The following CFAP47 variants were observed in gnomAD, a reference collection of about 807,000 sequenced individuals.
CFAP47 encodes cilia and flagella associated protein 47, also known as cilia- and flagella-associated protein 47.
In CFAP47, 29 loss-of-function variants were observed where a neutral mutation model predicts 148.1. The ratio of observed to expected loss-of-function variants is 0.20; its 90% CI spans 0.15 to 0.27. The LOEUF is 0.27. Among genes scored for constraint, CFAP47 ranks in the 10% least tolerant of loss-of-function variants. CFAP47 has a pLI of 1.00. For missense variants in CFAP47, 1,872 were observed against 1,697.5 expected, an observed-to-expected ratio of 1.10 and a Z score of -1.81; for synonymous variants, 664 against 577.3, an observed-to-expected ratio of 1.15 and a Z score of -2.15.
intron 1 of CFAP47, among the ~76,000 whole-genome samples, chrX:35,923,072 C>A (rs1217441594): frequency 9.0e-6 from 1 of 111,413 alleles, no homozygotes; most frequent in African/African-American, 3.3e-5. Context: ...TGGTGCTTAA[C>A]TAGTCCCTGG....
At chrX:36,253,454 A>G (rs1940715756) in intron 49 of CFAP47, among the ~76,000 whole-genome samples, 1 of 111,490 alleles carries the variant, frequency 9.0e-6, no homozygotes, top group Admixed American at 9.6e-5. Flanking sequence ...AACAGCTGCT[A>G]ACTAATCTGA....
chrX:35,958,529 C>T (rs989489485), intron 8 of CFAP47, among the ~76,000 whole-genome samples: 1 of 111,920 alleles, frequency 8.9e-6, no homozygotes, highest in Non-Finnish European at 1.9e-5. Flanking sequence ...CCCATACCCT[C>T]CACCACACTT....
At chrX:36,348,621 C>T (rs139817369) in intron 58 of CFAP47, among the ~76,000 whole-genome samples, 1 of 110,754 alleles carries the variant, frequency 9.0e-6, no homozygotes, top group African/African-American at 3.3e-5. Flanking sequence ...ATAGTGACTG[C>T]TAACATAATA....
At chrX:35,985,894 G>A (rs912746188) in intron 15 of CFAP47, 19 of 315,224 alleles carry the variant, frequency 6.0e-5, no homozygotes, top group South Asian at 3.7e-4. Context: ...CCTCCTAAGC[G>A]GCTCTCCCTG....
intron 33 of CFAP47, among the ~76,000 whole-genome samples, chrX:36,123,409 G>T (rs1181688016): frequency 8.9e-6 from 1 of 111,981 alleles, no homozygotes; most frequent in African/African-American, 3.2e-5. Flanking sequence ...GTGTCCAGGG[G>T]TGCTGTTCAA....
intron 62 of CFAP47, chrX:36,374,942 G>T: frequency 1.8e-6 from 1 of 551,200 alleles, no homozygotes; most frequent in South Asian, 2.3e-5. Context: ...CCTTTGAGTT[G>T]CACATCAAAT....
At chrX:36,088,166 G>A (rs1601970533) in intron 30 of CFAP47, among the ~76,000 whole-genome samples, 1 of 111,810 alleles carries the variant, frequency 8.9e-6, no homozygotes, top group South Asian at 3.7e-4. Flanking sequence ...CTGAAGTCCT[G>A]AAATTTATGG....
chrX:36,348,280 A>G lies in CFAP47; in HGVS notation c.8595A>G (p.Lys2865=), dbSNP rs782191352. 73 of 1,001,393 alleles carry G rather than the reference A, an allele frequency of 7.3e-5. No homozygotes were observed. Among genetic ancestry groups the G allele is most frequent in the Non-Finnish European group, 8.8e-5 (69 of 779,839 alleles). 82.5% of individuals were successfully genotyped at this position (1,001,393 alleles called of 1,213,427 possible). Residue 2865 remains lysine, a synonymous_variant, in exon 58 of 64, where the codon AAA becomes AAG. Transcript: ENST00000378653. ...PIDNFDELDI[K]FKSIVGIDSE... ...ACAATTTTGATGAGTTGGATATAAA[A>G]TTTAAAAGGTAACATTTAAATAAAG...
Position 36,062,878 on chromosome X carries a change from A to G in CFAP47, c.4218-2765A>G, listed in dbSNP as rs1048247704. ...AGATGAATTTTATGGTATGTAAATTACATGTCTAATGCTGCTGTAAAAAGA... is the reference window on the plus strand; with the variant it reads ...AGATGAATTTTATGGTATGTAAATTGCATGTCTAATGCTGCTGTAAAAAGA... On this transcript the variant is annotated intron_variant, in intron 26 of 63. Coordinates refer to ENST00000378653, the MANE Select transcript of CFAP47 (RefSeq NM_001304548.2). 3.6e-5 allele frequency among the ~76,000 whole-genome samples: 4 copies of G among 112,311 alleles called. No homozygotes were observed. The East Asian group carries it at 1.1e-3, about 31-fold the overall frequency.
chrX:36,041,743 G>A (rs1186622169), intron 25 of CFAP47, among the ~76,000 whole-genome samples: 1 of 110,077 alleles, frequency 9.1e-6, no homozygotes, highest in Non-Finnish European at 1.9e-5. Context: ...CTAACATGGT[G>A]AAACCCCATC....
At chrX:36,024,890 A>G (rs1404810372) in intron 22 of CFAP47, among the ~76,000 whole-genome samples, 2 of 111,361 alleles carry the variant, frequency 1.8e-5, no homozygotes, top group African/African-American at 6.5e-5. Context: ...TTTTGTGTAG[A>G]TACTTGTTAA....
rs139011718 is a variant in CFAP47 at position 36,028,399 on chromosome X, C to T, written c.3557-2854C>T. The stretch of plus-strand genomic sequence containing the variant: ...TTTAGGATTGTTTTTTCTAATTCTG[C>T]GAAAAATGACATTGGTACTTTGATA... On this transcript the variant is annotated intron_variant, in intron 22 of 63. Transcript: ENST00000378653. Among the ~76,000 whole-genome samples the T allele has an allele frequency of 5.6e-3, 624 of 110,770 alleles. 2 individuals are homozygous for T. Among genetic ancestry groups the T allele is most frequent in the African/African-American group, 0.018 (558 of 30,581 alleles).
chrX:35,920,023 G>A lies in CFAP47; in HGVS notation c.224G>A (p.Arg75Gln), dbSNP rs749366989. 7.5e-6 allele frequency: 9 copies of A among 1,192,942 alleles called. No individual in the cohort carries two copies. The highest frequency in any genetic ancestry group is 1.0e-5 in the Non-Finnish European group (9 of 884,786). Residue 75 changes from arginine to glutamine, a missense_variant, in exon 1 of 64, where the codon CGA (arginine) becomes CAA (glutamine). Transcript: ENST00000378653. ...HNICRWNQKIRFKEPVKPQFK... is the reference protein window; with the variant it reads ...HNICRWNQKIQFKEPVKPQFK... Reference sequence around the variant, plus strand: ...ATTTGCCGCTGGAACCAGAAAATCCGATTTAAGGAGCCCGTCAAGCCACAG... The same window carrying A: ...ATTTGCCGCTGGAACCAGAAAATCCAATTTAAGGAGCCCGTCAAGCCACAG...
intron 60 of CFAP47, among the ~76,000 whole-genome samples, chrX:36,359,934 G>A (rs972000540): frequency 5.5e-5 from 6 of 109,792 alleles, no homozygotes; most frequent in African/African-American, 2.0e-4. Flanking sequence ...TTTGTATTTT[G>A]AGTAGAGACG....
intron 35 of CFAP47, chrX:36,144,966 C>A: frequency 1.6e-6 from 1 of 628,558 alleles, no homozygotes; most frequent in Non-Finnish European, 2.2e-6. Flanking sequence ...CCTGGGAGCC[C>A]CTATTGGCTT....
intron 62 of CFAP47, among the ~76,000 whole-genome samples, chrX:36,376,671 C>T (rs375298691): frequency 9.0e-6 from 1 of 111,154 alleles, no homozygotes; most frequent in Non-Finnish European, 1.9e-5. Context: ...ATGTGCACAA[C>T]GTGCAGGTTT....
chrX:36,161,563 A>C (rs1241259164), intron 39 of CFAP47, among the ~76,000 whole-genome samples: 1 of 111,872 alleles, frequency 8.9e-6, no homozygotes, highest in East Asian at 2.8e-4. Context: ...AGTATTATTT[A>C]ATGACACAAT....
chrX:36,353,498 CAAGTT>C (rs782334041), intron 59 of CFAP47, 26 bp from the exon 60 acceptor site: 614 of 1,136,883 alleles, frequency 5.4e-4, no homozygotes, highest in Admixed American at 1.5e-3. Context: ...ACCTACAAGT[CAAGTT>C]AACTGGAAAT....
chrX:36,138,345 C>T lies in CFAP47; in HGVS notation c.5419-3C>T. The T allele has an allele frequency of 9.2e-7, 1 of 1,088,148 alleles. No individual in the cohort carries two copies. Among genetic ancestry groups the T allele is most frequent in the South Asian group, 2.6e-5 (1 of 39,192 alleles). 89.7% of individuals were successfully genotyped at this position (1,088,148 alleles called of 1,213,427 possible). On this transcript the variant is annotated splice_polypyrimidine_tract_variant and splice_region_variant and intron_variant, in intron 34 of 63. Transcript: ENST00000378653. ...AAAAGGTTTGATTTTTTTTTTTTTA[C>T]AGATTGAGTCTCATTTTATAAATAT...
Sources: gnomAD v4.1 joint callset for allele counts (sites outside exome capture counted in the v4.1 genomes callset) on GRCh38, gnomAD v4.1.1 for gene constraint, MANE v1.5 for transcripts, NCBI Gene and HGNC (gene_info 2026-07-23, HGNC 2026-07-21) for gene names.